Variants in CPED1 observed in about 807,000 individuals in gnomAD.
The protein encoded by CPED1 is cadherin-like and PC-esterase domain-containing protein 1.
Under a neutral mutation model 128.2 loss-of-function variants are expected in CPED1, and 114 were observed. The observed-to-expected ratio is 0.89, with a 90% CI of 0.76 to 1.04. The LOEUF (loss-of-function observed/expected upper bound fraction) is 1.04, where lower values mean the gene tolerates loss of function less well. Among genes scored for constraint, CPED1 ranks in the 50% least tolerant of loss-of-function variants. The pLI is 0.00. For missense variants in CPED1, 1,211 were observed against 1,207.1 expected (o/e 1.00, Z -0.05); for synonymous variants, 462 against 426.7 (o/e 1.08, Z -1.02).
At chr7:121,138,636 A>G (rs1388933393) in intron 14 of CPED1, among the ~76,000 whole-genome samples, 5 of 152,108 alleles carry the variant, frequency 3.3e-5, no homozygotes, top group African/African-American at 1.2e-4. Flanking sequence ...ATTAAGTGAA[A>G]GTATAAACTG....
At chr7:121,258,882 C>A (rs964717368) in intron 18 of CPED1, among the ~76,000 whole-genome samples, 1 of 152,016 alleles carries the variant, frequency 6.6e-6, no homozygotes. Flanking sequence ...GCTACAAAAA[C>A]TTTATTTTCA....
chr7:121,173,372 G>A (rs369694759), intron 16 of CPED1, among the ~76,000 whole-genome samples: 21 of 152,064 alleles, frequency 1.4e-4, no homozygotes, highest in South Asian at 2.1e-4. Context: ...CTTTGTACCC[G>A]ATAGTTATCT....
At chr7:121,150,600 G>A (rs1052919331) in intron 16 of CPED1, among the ~76,000 whole-genome samples, 3 of 152,138 alleles carry the variant, frequency 2.0e-5, no homozygotes, top group African/African-American at 7.2e-5. Context: ...TGGTAATTTT[G>A]TTTTAAGGTC....
intron 18 of CPED1, among the ~76,000 whole-genome samples, chr7:121,255,058 A>G (rs1042548083): frequency 3.3e-5 from 5 of 152,096 alleles, no homozygotes; most frequent in Admixed American, 2.6e-4. Context: ...AACTCATTCT[A>G]TGAAGTTAGC....
At chr7:121,105,073 C>G (rs1794940881) in intron 7 of CPED1, among the ~76,000 whole-genome samples, 1 of 152,008 alleles carries the variant, frequency 6.6e-6, no homozygotes, top group South Asian at 2.1e-4. Context: ...TTCAGGGGAC[C>G]ATTCTTCCAT....
chr7:121,078,433 G>A (rs1386684153), intron 5 of CPED1, among the ~76,000 whole-genome samples: 1 of 148,526 alleles, frequency 6.7e-6, no homozygotes, highest in Admixed American at 6.8e-5. Flanking sequence ...AGGACTGCTT[G>A]TGGCCAGGAG....
At chr7:121,127,336 CA>C (rs1795529651) in intron 10 of CPED1, 79 bp downstream of exon 10, 1 of 878,314 alleles carries the variant, frequency 1.1e-6, no homozygotes, top group Non-Finnish European at 1.8e-6. Context: ...TTCTGCAATT[CA>C]GCAACTTGAT....
chr7:121,242,793 C>G (rs1031169918), intron 17 of CPED1, among the ~76,000 whole-genome samples: 4 of 152,072 alleles, frequency 2.6e-5, no homozygotes, highest in Non-Finnish European at 4.4e-5. Context: ...GGAGTTCATA[C>G]TTTTCTCATC....
intron 16 of CPED1, among the ~76,000 whole-genome samples, chr7:121,198,410 G>C (rs1241828063): frequency 6.6e-6 from 1 of 152,116 alleles, no homozygotes; most frequent in East Asian, 1.9e-4. Context: ...TGTGAAAGAT[G>C]AGTAAATCAG....
chr7:121,020,332 G>A (rs1792408095), intron 3 of CPED1, among the ~76,000 whole-genome samples: 1 of 152,000 alleles, frequency 6.6e-6, no homozygotes, highest in African/African-American at 2.4e-5. Context: ...CCCACCGCCT[G>A]TTTTTGTAAA....
chr7:121,161,005 A>G (rs1796400368), intron 16 of CPED1, among the ~76,000 whole-genome samples: 1 of 152,198 alleles, frequency 6.6e-6, no homozygotes, highest in South Asian at 2.1e-4. Flanking sequence ...TTAAATCAAA[A>G]GGAAAAAATT....
At chr7:121,251,470 A>C (rs1285405547) in intron 18 of CPED1, among the ~76,000 whole-genome samples, 2 of 152,104 alleles carry the variant, frequency 1.3e-5, no homozygotes, top group African/African-American at 2.4e-5. Flanking sequence ...GGCCAGGGCA[A>C]TCAGGCAGGA....
At chr7:121,071,341 C>G (rs1389969744) in intron 5 of CPED1, among the ~76,000 whole-genome samples, 1 of 152,130 alleles carries the variant, frequency 6.6e-6, no homozygotes, top group Non-Finnish European at 1.5e-5. Context: ...TTCCTATACT[C>G]CTTTCCCTCA....
At chr7:121,075,120 C>T (rs1216102281) in intron 5 of CPED1, among the ~76,000 whole-genome samples, 1 of 152,016 alleles carries the variant, frequency 6.6e-6, no homozygotes, top group African/African-American at 2.4e-5. Context: ...TGTATGAGTC[C>T]TACGGTGTTA....
chr7:121,117,896 G>A (rs1173953786), intron 7 of CPED1, among the ~76,000 whole-genome samples: 1 of 148,164 alleles, frequency 6.7e-6, no homozygotes, highest in Admixed American at 6.9e-5. Flanking sequence ...TTATAATGAT[G>A]GTTACTCAAA....
At chr7:121,003,149 G>A (rs1791910620) in intron 2 of CPED1, among the ~76,000 whole-genome samples, 2 of 152,110 alleles carry the variant, frequency 1.3e-5, no homozygotes, top group African/African-American at 2.4e-5. Flanking sequence ...TTTCCATTCA[G>A]CTCTTAAACT....
intron 18 of CPED1, chr7:121,261,708 C>T: frequency 6.2e-7 from 1 of 1,605,756 alleles, no homozygotes; most frequent in Non-Finnish European, 8.5e-7. Context: ...CCCTAAATGA[C>T]CTCCCTGCCC....
chr7:121,173,049 A>G (rs1187779107), intron 16 of CPED1, among the ~76,000 whole-genome samples: 1 of 152,132 alleles, frequency 6.6e-6, no homozygotes, highest in Non-Finnish European at 1.5e-5. Context: ...GGCAGAGACC[A>G]TTTTTGTTGG....
intron 19 of CPED1, 27 bp from the exon 20 acceptor site, chr7:121,266,680 T>A (rs755165073): frequency 6.5e-7 from 1 of 1,544,200 alleles, no homozygotes; most frequent in Non-Finnish European, 9.0e-7. Context: ...TAGGGCAACA[T>A]GTGTTGTTTT....
Sources: gnomAD v4.1 joint callset for allele counts (sites outside exome capture counted in the v4.1 genomes callset) on GRCh38, gnomAD v4.1.1 for gene constraint, MANE v1.5 for transcripts, NCBI Gene and HGNC (gene_info 2026-07-23, HGNC 2026-07-21) for gene names.